Variants in SOX5 observed in about 807,000 individuals in gnomAD.
SOX5 encodes the protein SRY-box transcription factor 5.
In SOX5, 9 loss-of-function variants were observed where a neutral mutation model predicts 92.0. That is an observed-to-expected ratio of 0.10 (90% CI 0.06 to 0.17). The LOEUF (loss-of-function observed/expected upper bound fraction) is 0.17. Among genes scored for constraint, SOX5 ranks in the 10% least tolerant of loss-of-function variants. The pLI is 1.00. For synonymous variants in SOX5, 344 were observed against 336.3 expected, an observed-to-expected ratio of 1.02 and a Z score of -0.25; for missense variants, 642 against 944.5, an observed-to-expected ratio of 0.68 and a Z score of 4.20.
At chr12:24,162,119 AT>A (rs796264006) in intron 4 of SOX5, among the ~76,000 whole-genome samples, 33 of 151,588 alleles carry the variant, frequency 2.2e-4, no homozygotes, top group Admixed American at 1.6e-3. Context: ...TGGTCACTGA[AT>A]TTTTTTTTGA....
chr12:23,670,863 A>G (rs749578216), intron 6 of SOX5, among the ~76,000 whole-genome samples: 8 of 152,274 alleles, frequency 5.3e-5, no homozygotes, highest in Non-Finnish European at 1.0e-4. Context: ...GTGAGACCAC[A>G]TGAATTGTAA....
intron 4 of SOX5, among the ~76,000 whole-genome samples, chr12:23,958,206 ATTATTC>A (rs1946494068): frequency 1.3e-5 from 2 of 152,102 alleles, no homozygotes; most frequent in African/African-American, 2.4e-5. Flanking sequence ...TAACTGGGCC[ATTATTC>A]TTAATCTTAG....
chr12:24,427,577 T>A (rs920573644), intron 1 of SOX5, among the ~76,000 whole-genome samples: 29 of 152,246 alleles, frequency 1.9e-4, no homozygotes, highest in Non-Finnish European at 7.3e-5. Flanking sequence ...ATTCAGCATA[T>A]GTAGTATATA....
chr12:23,883,103 C>T (rs1234380512), intron 2 of SOX5, among the ~76,000 whole-genome samples: 2 of 151,210 alleles, frequency 1.3e-5, no homozygotes, highest in African/African-American at 2.4e-5. Flanking sequence ...ATGGCGTGAA[C>T]CCGGGAGGTG....
intron 2 of SOX5, among the ~76,000 whole-genome samples, chr12:24,347,027 TA>T (rs779884188): frequency 1.7e-3 from 256 of 151,638 alleles, no homozygotes; most frequent in African/African-American, 5.7e-3. Flanking sequence ...TAAAGTATAA[TA>T]AAAAAAAATT....
At chr12:24,484,473 C>T (rs1330422496) in intron 1 of SOX5, among the ~76,000 whole-genome samples, 1 of 152,164 alleles carries the variant, frequency 6.6e-6, no homozygotes, top group African/African-American at 2.4e-5. Flanking sequence ...TTTGTTGCTT[C>T]TTTCTTCTAG....
chr12:24,080,442 A>G (rs1943186743), intron 4 of SOX5, among the ~76,000 whole-genome samples: 1 of 152,096 alleles, frequency 6.6e-6, no homozygotes, highest in African/African-American at 2.4e-5. Context: ...ACATTTCAAG[A>G]AAGTAACATC....
chr12:23,995,284 T>C (rs1261218797), intron 4 of SOX5, among the ~76,000 whole-genome samples: 1 of 152,180 alleles, frequency 6.6e-6, no homozygotes, highest in African/African-American at 2.4e-5. Flanking sequence ...TAAATACTGA[T>C]GGGAAAAAGT....
chr12:23,848,296 G>C (rs111819505), intron 2 of SOX5, among the ~76,000 whole-genome samples: 5 of 152,046 alleles, frequency 3.3e-5, no homozygotes, highest in Admixed American at 3.3e-4. Flanking sequence ...TCCAGATAAG[G>C]TATCCCATTT....
intron 1 of SOX5, among the ~76,000 whole-genome samples, chr12:24,435,250 G>T (rs1458917985): frequency 6.6e-6 from 1 of 152,226 alleles, no homozygotes; most frequent in Non-Finnish European, 1.5e-5. Flanking sequence ...CATGAAGCTA[G>T]TAGAAAGGTG....
At chr12:24,059,510 T>C (rs1380102753) in intron 4 of SOX5, among the ~76,000 whole-genome samples, 1 of 152,150 alleles carries the variant, frequency 6.6e-6, no homozygotes, top group African/African-American at 2.4e-5. Flanking sequence ...CTCAACTTTG[T>C]CTGAAAATGA....
intron 9 of SOX5, among the ~76,000 whole-genome samples, chr12:23,588,723 A>G (rs1364198806): frequency 2.7e-4 from 1 of 3,654 alleles, no homozygotes. Context: ...GGGATAGTGC[A>G]CACACACACA....
chr12:24,431,230 A>T (rs1938246417), intron 1 of SOX5, among the ~76,000 whole-genome samples: 2 of 152,186 alleles, frequency 1.3e-5, no homozygotes, highest in African/African-American at 4.8e-5. Flanking sequence ...ACTCAGGTTC[A>T]AACTCACACC....
intron 6 of SOX5, among the ~76,000 whole-genome samples, chr12:23,687,646 T>C (rs777423747): frequency 2.8e-4 from 43 of 152,068 alleles, no homozygotes; most frequent in Non-Finnish European, 7.4e-5. Context: ...TATGGTTGGC[T>C]GATGGTAGCA....
intron 3 of SOX5, among the ~76,000 whole-genome samples, chr12:23,808,094 T>G (rs1319364616): frequency 6.8e-6 from 1 of 146,080 alleles, no homozygotes; most frequent in South Asian, 2.3e-4. Context: ...AAGGCATCCT[T>G]GTTTTCCCTT....
At chr12:23,996,333 T>C (rs1433294431) in intron 4 of SOX5, among the ~76,000 whole-genome samples, 3 of 152,132 alleles carry the variant, frequency 2.0e-5, no homozygotes, top group South Asian at 2.1e-4. Flanking sequence ...AATAAAAATA[T>C]GGAAATTTCA....
chr12:23,832,066 T>C (rs1299011251), intron 3 of SOX5, among the ~76,000 whole-genome samples: 1 of 151,300 alleles, frequency 6.6e-6, no homozygotes, highest in East Asian at 1.9e-4. Context: ...ATAAACCACG[T>C]AAAGGAAAGC....
At chr12:23,758,694 T>C (rs1404922002) in intron 3 of SOX5, among the ~76,000 whole-genome samples, 1 of 151,946 alleles carries the variant, frequency 6.6e-6, no homozygotes, top group Non-Finnish European at 1.5e-5. Flanking sequence ...CCCAAAAGCA[T>C]GTGTTGAAAA....
Position 24,128,912 on chromosome 12 carries a change from C to T in SOX5, c.-2+84431G>A, listed in dbSNP as rs902679915. Among the ~76,000 whole-genome samples the T allele has an allele frequency of 3.9e-5, 6 of 152,162 alleles. No homozygotes were observed. The East Asian group carries it at 7.7e-4, about 20-fold the overall frequency. On this transcript the variant is annotated intron_variant, in intron 4 of 4. Transcript: ENST00000446891. ...CTATTGCTGGAGTCCAGGAGAAAAA[C>T]GATGGTGGACTAGGAAGGTGGCAAT... is the stretch of plus-strand genomic sequence containing the variant.
Sources: allele counts gnomAD v4.1 joint callset (sites outside exome capture counted in the v4.1 genomes callset), GRCh38; gene constraint gnomAD v4.1.1; transcripts MANE v1.5; gene names NCBI Gene and HGNC (gene_info 2026-07-23, HGNC 2026-07-21).